ARHGAP15: variants seen among roughly 807,000 people sequenced by gnomAD.
The protein encoded by ARHGAP15 is Rho GTPase activating protein 15, also known as rho GTPase-activating protein 15.
In ARHGAP15, 51 loss-of-function variants were observed where a neutral mutation model predicts 63.7. The ratio of observed to expected loss-of-function variants is 0.80; its 90% confidence interval spans 0.64 to 1.01. The LOEUF (loss-of-function observed/expected upper bound fraction) is 1.01. Among genes scored for constraint, ARHGAP15 ranks in the 50% least tolerant of loss-of-function variants. The pLI is 0.00. For missense variants in ARHGAP15, 560 were observed against 564.6 expected (o/e 0.99, Z 0.08); for synonymous variants, 191 against 193.8 (o/e 0.99, Z 0.12).
intron 6 of ARHGAP15, among the ~76,000 whole-genome samples, chr2:143,386,646 C>T (rs1687299560): frequency 6.6e-6 from 1 of 152,150 alleles, no homozygotes; most frequent in Admixed American, 6.6e-5. Context: ...GTGTCTACTT[C>T]TGTGCATATT....
intron 10 of ARHGAP15, among the ~76,000 whole-genome samples, chr2:143,523,268 A>G (rs1267298392): frequency 6.6e-6 from 1 of 152,284 alleles, no homozygotes; most frequent in East Asian, 1.9e-4. Flanking sequence ...ATAAACTGTG[A>G]TAAGTACTAT....
intron 12 of ARHGAP15, among the ~76,000 whole-genome samples, chr2:143,700,034 C>A (rs2105414361): frequency 6.6e-6 from 1 of 152,194 alleles, no homozygotes; most frequent in Admixed American, 6.5e-5. Context: ...CTTTTTCATT[C>A]ATTTAACCCA....
intron 8 of ARHGAP15, among the ~76,000 whole-genome samples, chr2:143,442,116 T>C (rs950956585): frequency 6.6e-6 from 1 of 152,178 alleles, no homozygotes; most frequent in African/African-American, 2.4e-5. Context: ...ATCATGACCA[T>C]GCCAAGTGAT....
At position 143,613,483 on chromosome 2, in the gene ARHGAP15, G is replaced by T. The variant is rs183737642; in HGVS notation, c.1004-10650G>T. On this transcript the variant is annotated intron_variant, in intron 11 of 13. Transcript: ENST00000295095. ...CAATTAACTGTAATTCCCTTTTGTA[G>T]CATCCGTAAAGTAGTTTATGATACT... Among the ~76,000 whole-genome samples the T allele has an allele frequency of 7.2e-5, 11 of 152,216 alleles. No homozygotes were observed. The East Asian group carries it at 7.7e-4, about 11-fold the overall frequency.
At chr2:143,455,998 A>G (rs1690632541) in intron 8 of ARHGAP15, among the ~76,000 whole-genome samples, 1 of 152,026 alleles carries the variant, frequency 6.6e-6, no homozygotes, top group South Asian at 2.1e-4. Context: ...GGAAGCAAAT[A>G]CTACCCATTA....
At chr2:143,224,055 C>T (rs1408154428) in intron 4 of ARHGAP15, among the ~76,000 whole-genome samples, 3 of 152,156 alleles carry the variant, frequency 2.0e-5, no homozygotes, top group Admixed American at 6.5e-5. Context: ...TTAATGGAGA[C>T]ATGTGACCAG....
intron 9 of ARHGAP15, among the ~76,000 whole-genome samples, chr2:143,490,785 G>GT (rs1200441369): frequency 6.6e-6 from 1 of 151,744 alleles, no homozygotes; most frequent in Non-Finnish European, 1.5e-5. Context: ...ATGCCCCACT[G>GT]TTTTTTTGTT....
intron 1 of ARHGAP15, among the ~76,000 whole-genome samples, chr2:143,129,845 G>T (rs1051157523): frequency 6.6e-6 from 1 of 152,046 alleles, no homozygotes; most frequent in Non-Finnish European, 1.5e-5. Context: ...ATCCAGATAA[G>T]GAAAGAGAAA....
At chr2:143,279,238 CAA>C (rs1360672348) in intron 6 of ARHGAP15, among the ~76,000 whole-genome samples, 1 of 152,116 alleles carries the variant, frequency 6.6e-6, no homozygotes, top group Non-Finnish European at 1.5e-5. Context: ...TTATTCAGCT[CAA>C]GTGCCAATTT....
chr2:143,286,062 A>G (rs2105099819), intron 6 of ARHGAP15, among the ~76,000 whole-genome samples: 1 of 152,328 alleles, frequency 6.6e-6, no homozygotes, highest in South Asian at 2.1e-4. Flanking sequence ...ACTTTTTTGA[A>G]CAAACTCTGT....
intron 6 of ARHGAP15, among the ~76,000 whole-genome samples, chr2:143,339,286 T>A (rs1242619950): frequency 6.6e-6 from 1 of 152,076 alleles, no homozygotes; most frequent in African/African-American, 2.4e-5. Flanking sequence ...TGGGCAAGTC[T>A]CTTTTCTCTA....
intron 6 of ARHGAP15, among the ~76,000 whole-genome samples, chr2:143,286,404 G>A (rs759983322): frequency 1.3e-5 from 2 of 152,164 alleles, no homozygotes; most frequent in Non-Finnish European, 2.9e-5. Context: ...TGAGAACAAG[G>A]TAAATGGAAC....
chr2:143,231,082 T>TG, intron 5 of ARHGAP15, among the ~76,000 whole-genome samples: 1 of 150,650 alleles, frequency 6.6e-6, no homozygotes, highest in East Asian at 1.9e-4. Flanking sequence ...TTTTTTTTTT[T>TG]TTTTTTACCA....
At chr2:143,287,671 T>C (rs1334595146) in intron 6 of ARHGAP15, among the ~76,000 whole-genome samples, 3 of 152,024 alleles carry the variant, frequency 2.0e-5, no homozygotes, top group Non-Finnish European at 4.4e-5. Context: ...CTGGGCATAG[T>C]GGTGCACACC....
chr2:143,706,992 G>C (rs1265174483), intron 13 of ARHGAP15, among the ~76,000 whole-genome samples: 1 of 152,168 alleles, frequency 6.6e-6, no homozygotes, highest in Non-Finnish European at 1.5e-5. Context: ...TTAGTGGGAA[G>C]GAGGACCTAG....
Position 143,229,846 on chromosome 2 carries a change from G to C in ARHGAP15, c.384+1178G>C, listed in dbSNP as rs571859043. Among the ~76,000 whole-genome samples, 28 of 152,290 alleles carry C rather than the reference G, an allele frequency of 1.8e-4. No individual in the cohort carries two copies. In the South Asian group the frequency reaches 5.8e-3, roughly 32 times the overall value. ...AAAAGGTAGCATTTGACTTGCTTCT[G>C]ATAACCGCAGTAGCCTTTATCCCCA... is the stretch of plus-strand genomic sequence containing the variant. On this transcript the variant is annotated intron_variant, in intron 5 of 13. Coordinates refer to ENST00000295095, the MANE Select transcript of ARHGAP15 (RefSeq NM_018460.4).
At chr2:143,346,816 AAG>A (rs1169881401) in intron 6 of ARHGAP15, among the ~76,000 whole-genome samples, 4 of 152,062 alleles carry the variant, frequency 2.6e-5, no homozygotes, top group African/African-American at 7.2e-5. Context: ...AACTGACTGA[AAG>A]AGATAAATTA....
chr2:143,629,521 G>A (rs560770608), intron 12 of ARHGAP15, among the ~76,000 whole-genome samples: 1 of 152,250 alleles, frequency 6.6e-6, no homozygotes, highest in East Asian at 1.9e-4. Flanking sequence ...GTGGCTAGAG[G>A]CCTGCAGGGG....
chr2:143,612,372 A>G (rs1443747414), intron 11 of ARHGAP15, among the ~76,000 whole-genome samples: 1 of 152,180 alleles, frequency 6.6e-6, no homozygotes, highest in Non-Finnish European at 1.5e-5. Flanking sequence ...GTTGCATCCA[A>G]AAGCCTCTGT....
Sources: allele counts gnomAD v4.1 joint callset (sites outside exome capture counted in the v4.1 genomes callset), GRCh38; gene constraint gnomAD v4.1.1; transcripts MANE v1.5; gene names NCBI Gene and HGNC (gene_info 2026-07-23, HGNC 2026-07-21).